Variants in GBE1 observed in about 807,000 individuals in gnomAD.
The protein encoded by GBE1 is 1,4-alpha-glucan branching enzyme 1, also known as 1,4-alpha-glucan-branching enzyme.
Under a neutral mutation model 88.8 loss-of-function variants are expected in GBE1, and 70 were observed. That is an observed-to-expected ratio of 0.79 (90% CI 0.65 to 0.96). GBE1 has a LOEUF of 0.96. Ranked by LOEUF, GBE1 falls within the 40% of genes least tolerant of loss-of-function variation. The probability of loss-of-function intolerance (pLI) is 0.00; values close to 1 mark genes in which losing one functional copy is unlikely to be tolerated. For synonymous variants in GBE1, 284 were observed against 300.1 expected (o/e 0.95, Z 0.56); for missense variants, 872 against 871.0 (o/e 1.00, Z -0.01).
rs549489675 is a variant in GBE1 at position 81,671,760 on chromosome 3, G to T, written c.314-807C>A. Among the ~76,000 whole-genome samples the T allele has an allele frequency of 1.6e-4, 25 of 152,114 alleles. No homozygotes were observed. The East Asian group carries it at 4.8e-3, about 29-fold the overall frequency. ...TATTTACAATATTGGAGTATAAAAGGTTCTTTAAGTAAAATGTTTTTAAAA... is the reference window on the plus strand; with the variant it reads ...TATTTACAATATTGGAGTATAAAAGTTTCTTTAAGTAAAATGTTTTTAAAA... On this transcript the variant is annotated intron_variant, in intron 2 of 15. Transcript: ENST00000429644.
chr3:81,703,395 A>C (rs17019211), intron 2 of GBE1, among the ~76,000 whole-genome samples: 1 of 152,080 alleles, frequency 6.6e-6, no homozygotes, highest in African/African-American at 2.4e-5. Flanking sequence ...CTCGAGACAC[A>C]TCTAATTTTT....
chr3:81,612,256 CT>C (rs1362496064), intron 7 of GBE1: 1 of 420,400 alleles, frequency 2.4e-6, no homozygotes, highest in Non-Finnish European at 3.9e-6. Flanking sequence ...TAAAGAAGCT[CT>C]CTGGTTCCTC....
At chr3:81,648,773 AG>A (rs1451489424) in intron 5 of GBE1, 82 bp downstream of exon 5, 1 of 785,186 alleles carries the variant, frequency 1.3e-6, no homozygotes, top group Non-Finnish European at 1.9e-6. Context: ...AACACAAAAA[AG>A]AGACACTTGT....
At chr3:81,751,590 G>A (rs372718430) in intron 1 of GBE1, among the ~76,000 whole-genome samples, 15 of 152,176 alleles carry the variant, frequency 9.9e-5, no homozygotes, top group African/African-American at 3.6e-4. Flanking sequence ...GCCAAGCTGT[G>A]CCCAATCAAC....
intron 15 of GBE1, among the ~76,000 whole-genome samples, chr3:81,497,935 A>G (rs957869640): frequency 6.6e-6 from 1 of 152,210 alleles, no homozygotes; most frequent in African/African-American, 2.4e-5. Context: ...TACAGTAATA[A>G]TTCCTTTAAG....
At chr3:81,702,251 C>T (rs1369689974) in intron 2 of GBE1, among the ~76,000 whole-genome samples, 1 of 151,508 alleles carries the variant, frequency 6.6e-6, no homozygotes, top group Non-Finnish European at 1.5e-5. Flanking sequence ...GTCATACTGA[C>T]CCACGTGTAT....
intron 6 of GBE1, among the ~76,000 whole-genome samples, chr3:81,644,894 G>A (rs1270699333): frequency 2.0e-5 from 3 of 152,138 alleles, no homozygotes; most frequent in Admixed American, 1.3e-4. Flanking sequence ...AATAGCTAGC[G>A]TGTAGGGAGG....
At chr3:81,576,720 C>T (rs910941716) in intron 12 of GBE1, among the ~76,000 whole-genome samples, 1 of 151,880 alleles carries the variant, frequency 6.6e-6, no homozygotes, top group Non-Finnish European at 1.5e-5. Context: ...TACAGTCTCA[C>T]AACTCAGGAA....
At chr3:81,706,702 C>A (rs1488729755) in intron 1 of GBE1, among the ~76,000 whole-genome samples, 1 of 152,004 alleles carries the variant, frequency 6.6e-6, no homozygotes, top group Non-Finnish European at 1.5e-5. Context: ...AGAAAATGGA[C>A]CTTTTTACAA....
chr3:81,507,433 G>A (rs1249088171), intron 14 of GBE1, among the ~76,000 whole-genome samples: 2 of 151,680 alleles, frequency 1.3e-5, no homozygotes, highest in African/African-American at 2.4e-5. Flanking sequence ...GTGTGGTGGC[G>A]GGCACCTGTA....
chr3:81,720,034 G>A (rs1453665549), intron 1 of GBE1, among the ~76,000 whole-genome samples: 4 of 152,040 alleles, frequency 2.6e-5, no homozygotes, highest in Non-Finnish European at 4.4e-5. Context: ...AATCTCAGGA[G>A]ATATATATAT....
At chr3:81,625,090 A>AGGG (rs1409790283) in intron 7 of GBE1, among the ~76,000 whole-genome samples, 1 of 6,294 alleles carries the variant, frequency 1.6e-4, no homozygotes, top group Non-Finnish European at 2.9e-4. Flanking sequence ...TTATGTTATG[A>AGGG]GGGAGGGGGA....
chr3:81,705,884 T>C (rs1458723055), intron 1 of GBE1, among the ~76,000 whole-genome samples: 1 of 152,096 alleles, frequency 6.6e-6, no homozygotes, highest in Non-Finnish European at 1.5e-5. Context: ...ATTTCATGAA[T>C]TTTTTTAAAA....
At chr3:81,669,338 T>C (rs1705156326) in intron 3 of GBE1, among the ~76,000 whole-genome samples, 1 of 152,144 alleles carries the variant, frequency 6.6e-6, no homozygotes, top group Non-Finnish European at 1.5e-5. Flanking sequence ...AAAAAATTCC[T>C]GCAACACTTT....
intron 3 of GBE1, chr3:81,655,047 G>C (rs1303893057): frequency 6.6e-6 from 1 of 152,116 alleles, no homozygotes; most frequent in Non-Finnish European, 1.5e-5. Flanking sequence ...ACAAGTCCCT[G>C]AGCAGTACCT....
intron 14 of GBE1, among the ~76,000 whole-genome samples, chr3:81,525,650 T>C (rs1702933329): frequency 2.6e-5 from 4 of 152,110 alleles, no homozygotes; most frequent in African/African-American, 7.2e-5. Flanking sequence ...CGGCTGTGAA[T>C]CCATCTGGTC....
chr3:81,490,756 G>C (rs914265003), intron 15 of GBE1, among the ~76,000 whole-genome samples: 12 of 152,074 alleles, frequency 7.9e-5, no homozygotes, highest in African/African-American at 2.9e-4. Flanking sequence ...GGCTGTATTA[G>C]GTGGTGAAGG....
intron 1 of GBE1, among the ~76,000 whole-genome samples, chr3:81,710,518 C>G (rs1705849027): frequency 6.6e-6 from 1 of 151,714 alleles, no homozygotes; most frequent in Non-Finnish European, 1.5e-5. Flanking sequence ...TAGAAATAGT[C>G]CACGTTCAAA....
intron 1 of GBE1, among the ~76,000 whole-genome samples, chr3:81,753,925 G>A (rs748117862): frequency 5.9e-5 from 9 of 152,132 alleles, no homozygotes; most frequent in African/African-American, 2.4e-5. Context: ...AAACTTCTGC[G>A]CTGTGGGAAC....
Sources: allele counts gnomAD v4.1 joint callset (sites outside exome capture counted in the v4.1 genomes callset), GRCh38; gene constraint gnomAD v4.1.1; transcripts MANE v1.5; gene names NCBI Gene and HGNC (gene_info 2026-07-23, HGNC 2026-07-21).